The following SLC5A7 variants were observed in gnomAD, a reference collection of about 807,000 sequenced individuals.
The protein encoded by SLC5A7 is high affinity choline transporter 1.
In SLC5A7, 19 loss-of-function variants were observed where a neutral mutation model predicts 55.4. The observed-to-expected ratio is 0.34, with a 90% CI of 0.24 to 0.50. The LOEUF is 0.50. SLC5A7 is among the 20% of genes least tolerant of loss of function. The pLI is 0.98. For synonymous variants in SLC5A7, 265 were observed against 263.7 expected, an observed-to-expected ratio of 1.00 and a Z score of -0.05; for missense variants, 506 against 705.3, an observed-to-expected ratio of 0.72 and a Z score of 3.20.
At chr2:107,993,297 A>G (rs1472694025) in intron 4 of SLC5A7, among the ~76,000 whole-genome samples, 170 bp downstream of exon 4, 1 of 152,254 alleles carries the variant, frequency 6.6e-6, no homozygotes, top group African/African-American at 2.4e-5. Flanking sequence ...TACTTGCAAT[A>G]TGGTGGCAGA....
rs1225099794 is a variant in SLC5A7 at position 108,001,952 on chromosome 2, C to T, written c.653C>T (p.Thr218Ile). The T allele has an allele frequency of 6.2e-7, 1 of 1,614,090 alleles. No homozygotes were observed. The highest frequency in any genetic ancestry group is 8.5e-7 in the Non-Finnish European group (1 of 1,180,044). Residue 218 changes from threonine to isoleucine, a missense_variant, in exon 6 of 9, where the codon ACT becomes ATT. Around this residue, in one of 4 missense-constraint regions of SLC5A7, gnomAD observed 309 missense variants for 478.6 expected, o/e 0.65. Coordinates refer to ENST00000264047, the MANE Select transcript of SLC5A7 (RefSeq NM_021815.5). ...CCTGCAGTCGCAGACATCGGGTTCA[C>T]TGCTGTGCATGCCAAATACCAAAAG... ...SHPAVADIGF[T>I]AVHAKYQKPW...
At chr2:107,992,330 A>G in intron 3 of SLC5A7, 111 bp downstream of exon 3, 1 of 579,748 alleles carries the variant, frequency 1.7e-6, no homozygotes. Flanking sequence ...TTGTAAAAAA[A>G]TGTCCCCAGA....
intron 5 of SLC5A7, among the ~76,000 whole-genome samples, chr2:108,000,447 TTTTTA>T (rs914547509): frequency 4.6e-5 from 7 of 151,874 alleles, no homozygotes; most frequent in Admixed American, 1.3e-4. Flanking sequence ...TTTTAAAAAA[TTTTTA>T]TTTTATTTTG....
chr2:108,001,418 A>C (rs1031916162), intron 5 of SLC5A7, among the ~76,000 whole-genome samples: 1 of 152,146 alleles, frequency 6.6e-6, no homozygotes, highest in Non-Finnish European at 1.5e-5. Context: ...TCACGCCTGT[A>C]ATCCCAGCAC....
At chr2:107,999,724 G>T (rs1484185997) in intron 5 of SLC5A7, among the ~76,000 whole-genome samples, 1 of 151,898 alleles carries the variant, frequency 6.6e-6, no homozygotes, top group African/African-American at 2.4e-5. Context: ...ATCACCCCTG[G>T]AGCTCCAAAA....
Position 108,010,760 on chromosome 2 carries a change from C to A in SLC5A7, c.1642C>A (p.Arg548=), listed in dbSNP as rs199636877. The A allele has an allele frequency of 6.2e-7, 1 of 1,613,636 alleles. No homozygotes were observed. The highest frequency in any genetic ancestry group is 1.7e-5 in the Admixed American group (1 of 59,916). The change falls in exon 9 of 9, where the codon CGA becomes AGA. Residue 548 remains arginine (R), a synonymous_variant. Coordinates refer to ENST00000264047, the MANE Select transcript of SLC5A7 (RefSeq NM_021815.5). ...KLDELALVKP[R]QSMTLSSTFT... is the part of the protein sequence containing the mutation. ...AGATGAACTTGCACTTGTGAAGCCA[C>A]GACAGAGCATGACCCTCAGCTCAAC...
chr2:107,988,296 A>T lies in SLC5A7; in HGVS notation c.141A>T (p.Arg47=). ...ERSEAIIVGG[R]DIGLLVGGFT... ...GCGAAGCCATCATAGTTGGTGGCCGAGATATTGGTTTATTGGTTGGTGGAT... is the reference window on the plus strand; with the variant it reads ...GCGAAGCCATCATAGTTGGTGGCCGTGATATTGGTTTATTGGTTGGTGGAT... Residue 47 remains arginine (R), a synonymous_variant, in exon 2 of 9, where the codon CGA becomes CGT. Transcript: ENST00000264047. 1 of 1,614,020 alleles carries T rather than the reference A, an allele frequency of 6.2e-7. No individual in the cohort carries two copies. The highest frequency in any genetic ancestry group is 8.5e-7 in the Non-Finnish European group (1 of 1,179,928).
At chr2:108,002,384 A>G (rs1677947877) in intron 6 of SLC5A7, among the ~76,000 whole-genome samples, 1 of 152,232 alleles carries the variant, frequency 6.6e-6, no homozygotes, top group Non-Finnish European at 1.5e-5. Flanking sequence ...TTTTGAATTA[A>G]GGCATGAAAC....
intron 4 of SLC5A7, among the ~76,000 whole-genome samples, chr2:107,994,326 G>A (rs10187415): frequency 0.17 from 25,560 of 152,206 alleles, 2,330 homozygotes; most frequent in South Asian, 0.31. Flanking sequence ...GCTCACGCCT[G>A]TAATCCCAGC....
At chr2:107,987,899 A>C (rs1677309096) in intron 1 of SLC5A7, among the ~76,000 whole-genome samples, 1 of 152,214 alleles carries the variant, frequency 6.6e-6, no homozygotes. Flanking sequence ...GTTTCTTGCA[A>C]ACTCAAAATA....
At chr2:107,988,693 G>A (rs1174650327) in intron 2 of SLC5A7, among the ~76,000 whole-genome samples, 1 of 149,288 alleles carries the variant, frequency 6.7e-6, no homozygotes, top group Admixed American at 6.7e-5. Flanking sequence ...GCTAATTAAT[G>A]TGATAGGCAG....
At chr2:107,999,151 A>G (rs1281874937) in intron 5 of SLC5A7, among the ~76,000 whole-genome samples, 1 of 152,244 alleles carries the variant, frequency 6.6e-6, no homozygotes, top group Non-Finnish European at 1.5e-5. Context: ...ATTGTAACTG[A>G]ATATGAGAAT....
intron 2 of SLC5A7, 35 bp from the exon 3 acceptor site, chr2:107,992,071 A>G: frequency 1.4e-6 from 2 of 1,404,112 alleles, no homozygotes; most frequent in Non-Finnish European, 2.0e-6. Flanking sequence ...AACAGGTAAG[A>G]CAGTATCACT....
chr2:108,002,430 A>G lies in SLC5A7; in HGVS notation c.741+390A>G, dbSNP rs137939173. Among the ~76,000 whole-genome samples, 313 of 152,318 alleles carry G rather than the reference A, an allele frequency of 2.1e-3. 3 individuals carry two copies. Among genetic ancestry groups the G allele is most frequent in the Admixed American group, 4.1e-3 (63 of 15,304 alleles). ...AAATAAGTCTCTCATTCACTCTTGAATTACAGAGTAAGTGAATTAGTAGTG... is the reference window on the plus strand; with the variant it reads ...AAATAAGTCTCTCATTCACTCTTGAGTTACAGAGTAAGTGAATTAGTAGTG... On this transcript the variant is annotated intron_variant, in intron 6 of 8. Coordinates refer to ENST00000264047, the MANE Select transcript of SLC5A7 (RefSeq NM_021815.5).
In SLC5A7 at chr2:108,002,028, T is replaced by G; in HGVS notation, c.729T>G (p.Ser243Arg). 6.2e-6 allele frequency: 10 copies of G among 1,613,956 alleles called. No individual in the cohort carries two copies. In the South Asian group the frequency reaches 9.9e-5, roughly 16 times the overall value. The change falls in exon 6 of 9, where the codon AGT (serine) becomes AGG (arginine). Residue 243 changes from serine to arginine, a missense_variant. By Grantham distance (110) the Ser-to-Arg change is moderately radical (BLOSUM62 -1). This residue lies in a region of SLC5A7 where 309 missense variants were observed against 478.6 expected (regional missense o/e 0.65). Coordinates refer to ENST00000264047, the MANE Select transcript of SLC5A7 (RefSeq NM_021815.5). ...DSSEVYSWLDSFLLLMLGGIP... is the reference protein window; with the variant it reads ...DSSEVYSWLDRFLLLMLGGIP... ...CTGAAGTCTACTCTTGGCTTGATAG[T>G]TTTCTGTTGTTGGTAAGTAATGCTC...
chr2:107,989,956 C>T (rs1677386578), intron 2 of SLC5A7, among the ~76,000 whole-genome samples: 1 of 151,866 alleles, frequency 6.6e-6, no homozygotes, highest in Non-Finnish European at 1.5e-5. Context: ...TATAAAGGGC[C>T]ATGATCTTCC....
intron 6 of SLC5A7, among the ~76,000 whole-genome samples, chr2:108,003,216 A>T (rs1261932110): frequency 1.3e-5 from 2 of 152,186 alleles, no homozygotes; most frequent in African/African-American, 4.8e-5. Flanking sequence ...TGCATAGTAG[A>T]TGTGCTTATG....
chr2:107,993,544 A>G (rs1206919602), intron 4 of SLC5A7, among the ~76,000 whole-genome samples: 1 of 152,224 alleles, frequency 6.6e-6, no homozygotes, highest in Admixed American at 6.5e-5. Flanking sequence ...ATAAATTTAA[A>G]TAAATGATTT....
intron 3 of SLC5A7, among the ~76,000 whole-genome samples, chr2:107,992,656 C>T (rs1416536906): frequency 6.6e-6 from 1 of 152,106 alleles, no homozygotes; most frequent in Non-Finnish European, 1.5e-5. Flanking sequence ...TTATTCAAAA[C>T]CTCTAAATGC....
Sources: allele counts gnomAD v4.1 joint callset (sites outside exome capture counted in the v4.1 genomes callset), GRCh38; gene constraint gnomAD v4.1.1; regional missense constraint gnomAD v4.1.1; transcripts MANE v1.5; gene names NCBI Gene and HGNC (gene_info 2026-07-23, HGNC 2026-07-21).